SKI: variants seen among roughly 807,000 people sequenced by gnomAD.
SKI encodes SKI proto-oncogene.
SKI carries 23 observed loss-of-function variants against 59.3 expected under a neutral mutation model. That is an observed-to-expected ratio of 0.39 (90% CI 0.28 to 0.55). SKI has a LOEUF of 0.55. SKI is among the 20% of genes least tolerant of loss of function. The probability of loss-of-function intolerance (pLI) is 0.67; values close to 1 mark genes in which losing one functional copy is unlikely to be tolerated. For synonymous variants in SKI, 673 were observed against 488.6 expected (o/e 1.38, Z -4.98); for missense variants, 1,017 against 1,038.9 (o/e 0.98, Z 0.29).
At chr1:2,237,502 A>G (rs1247221657) in intron 1 of SKI, among the ~76,000 whole-genome samples, 3 of 152,136 alleles carry the variant, frequency 2.0e-5, no homozygotes, top group Admixed American at 2.0e-4. Context: ...TGAGAATAAG[A>G]AGCGGCTGTC....
intron 1 of SKI, among the ~76,000 whole-genome samples, chr1:2,278,580 T>C (rs1205916670): frequency 6.6e-6 from 1 of 151,950 alleles, no homozygotes; most frequent in African/African-American, 2.4e-5. Context: ...GCAGATTCAT[T>C]GTGTGGTGAG....
At chr1:2,293,047 C>G (rs528893306) in intron 1 of SKI, among the ~76,000 whole-genome samples, 3 of 152,072 alleles carry the variant, frequency 2.0e-5, no homozygotes, top group African/African-American at 7.2e-5. Flanking sequence ...GCAGGGTGCA[C>G]GGGAGAGCAG....
rs1460907031 is a variant in SKI, at chr1:2,228,803, C to G, written c.37C>G (p.Pro13Ala). Residue 13 changes from proline (P) to alanine (A), a missense_variant, in exon 1 of 7, where the codon CCG becomes GCG. Pro to Ala is a conservative substitution (Grantham distance 27, BLOSUM62 -1). Coordinates refer to ENST00000378536, the MANE Select transcript of SKI (RefSeq NM_003036.4). ...GGCAGGCGGCCGCGGCTGTTTCCAGCCGCACCCGGGGCTGCAGAAGACGCT... is the reference window on the plus strand; with the variant it reads ...GGCAGGCGGCCGCGGCTGTTTCCAGGCGCACCCGGGGCTGCAGAAGACGCT... ...AAAGGRGCFQ[P>A]HPGLQKTLEQ... is the part of the protein sequence containing the mutation. 7.4e-7 allele frequency: 1 copy of G among 1,342,914 alleles called. No individual in the cohort carries two copies. The highest frequency in any genetic ancestry group is 9.7e-7 in the Non-Finnish European group (1 of 1,035,484). 83.2% of individuals were successfully genotyped at this position (1,342,914 alleles called of 1,614,324 possible).
At position 2,306,037 on chromosome 1, in the gene SKI, C is replaced by G. The variant is rs199727876; in HGVS notation, c.1785C>G (p.Arg595=). The change falls in exon 6 of 7, where the codon CGC becomes CGG. Residue 595 remains arginine (R), a synonymous_variant. Transcript: ENST00000378536. ...RSLHQELEFL[R]VAKKEKLREA... ...GCCCCCAGGAGCTGGAGTTCCTACG[C>G]GTGGCCAAGAAGGAGAAGCTGCGGG... The G allele has an allele frequency of 1.5e-5, 24 of 1,588,448 alleles. No individual in the cohort carries two copies. The Admixed American group carries it at 2.5e-4, about 17-fold the overall frequency.
At chr1:2,285,059 G>A (rs1429557599) in intron 1 of SKI, among the ~76,000 whole-genome samples, 2 of 152,134 alleles carry the variant, frequency 1.3e-5, no homozygotes, top group Non-Finnish European at 2.9e-5. Flanking sequence ...TGGAGGCTGG[G>A]GGCAGTCGTG....
In SKI at chr1:2,307,781, CTGA is replaced by C. The variant is rs1229715784; in HGVS notation, c.*1017_*1019del. The C allele has an allele frequency of 6.6e-6, 1 of 152,542 alleles. No homozygotes were observed. The highest frequency in any genetic ancestry group is 1.5e-5 in the Non-Finnish European group (1 of 68,036). 9.4% of individuals were successfully genotyped at this position (152,542 alleles called of 1,614,324 possible). A position where few individuals can be genotyped will look rare whatever the true frequency, so the allele number is the denominator to read the frequency against. ...CCTTCTCTTTCTATTCCCCAGTGAA[CTGA>C]GGTTTTTACCGATTTATAGAGCAGT... On this transcript the variant is annotated 3_prime_UTR_variant, in exon 7 of 7. Coordinates refer to ENST00000378536, the MANE Select transcript of SKI (RefSeq NM_003036.4).
rs1354482425 is a variant in SKI at position 2,280,668 on chromosome 1, C to T, written c.970-22310C>T. On this transcript the variant is annotated intron_variant, in intron 1 of 6. Coordinates refer to ENST00000378536, the MANE Select transcript of SKI (RefSeq NM_003036.4). ...GAGAGAGGACACCCGAGAAGACAGG[C>T]GGCGGCGGCGATCTTCAGAGAGAGG... 2.1e-3 allele frequency among the ~76,000 whole-genome samples: 219 copies of T among 102,164 alleles called. 1 individual carries two copies. The highest frequency in any genetic ancestry group is 3.1e-3 in the Non-Finnish European group (158 of 50,382). The allele number at this position is 102,164 out of a possible 152,430, so 67.0% of individuals were successfully genotyped here.
At chr1:2,286,447 GA>G (rs1427966468) in intron 1 of SKI, among the ~76,000 whole-genome samples, 2 of 152,200 alleles carry the variant, frequency 1.3e-5, no homozygotes, top group African/African-American at 4.8e-5. Context: ...AGTGAACTAT[GA>G]TGATGCTACC....
At chr1:2,278,907 G>A (rs548718407) in intron 1 of SKI, among the ~76,000 whole-genome samples, 2 of 152,174 alleles carry the variant, frequency 1.3e-5, no homozygotes, top group Admixed American at 6.5e-5. Context: ...GAGTGCTTGC[G>A]CACCCCCCCA....
chr1:2,286,386 T>A (rs770130843), intron 1 of SKI, among the ~76,000 whole-genome samples: 1 of 152,070 alleles, frequency 6.6e-6, no homozygotes, highest in African/African-American at 2.4e-5. Flanking sequence ...CCAGCTACTC[T>A]AGAGGCTGAG....
intron 1 of SKI, among the ~76,000 whole-genome samples, chr1:2,231,836 C>T (rs574619997): frequency 7.9e-5 from 12 of 152,230 alleles, no homozygotes; most frequent in Non-Finnish European, 1.3e-4. Context: ...CCCGTGTTGC[C>T]TCCTGCTCTA....
At chr1:2,304,705 G>A in intron 5 of SKI, 120 bp downstream of exon 5, 3 of 1,427,570 alleles carry the variant, frequency 2.1e-6, no homozygotes, top group Non-Finnish European at 2.8e-6. Flanking sequence ...GCTCCTCTCT[G>A]CCTCCACCTC....
Position 2,268,256 on chromosome 1 carries a change from C to T in SKI, c.970-34722C>T, listed in dbSNP as rs371576027. On this transcript the variant is annotated intron_variant, in intron 1 of 6. Coordinates refer to ENST00000378536, the MANE Select transcript of SKI (RefSeq NM_003036.4). The surrounding 1 kb of genome is among the most constrained non-coding windows in gnomAD (Gnocchi z 5.0). ...CTGCTCCTACTGTGTGCTTTCTTGCCCCTCCAGTGCCTCCCAGGGGGCTGT... is the reference window on the plus strand; with the variant it reads ...CTGCTCCTACTGTGTGCTTTCTTGCTCCTCCAGTGCCTCCCAGGGGGCTGT... Among the ~76,000 whole-genome samples the T allele has an allele frequency of 6.6e-6, 1 of 152,290 alleles. No homozygotes were observed. Among genetic ancestry groups the T allele is most frequent in the African/African-American group, 2.4e-5 (1 of 41,562 alleles).
At chr1:2,293,438 A>C (rs1421757269) in intron 1 of SKI, among the ~76,000 whole-genome samples, 5 of 85,662 alleles carry the variant, frequency 5.8e-5, no homozygotes, top group East Asian at 9.0e-4. Flanking sequence ...CCCCCCCCCA[A>C]CATCTGGAAG....
Position 2,306,574 on chromosome 1 carries a change from C to T in SKI, c.1999-3C>T, listed in dbSNP as rs1333111233. 2 of 1,541,812 alleles carry T rather than the reference C, an allele frequency of 1.3e-6. No homozygotes were observed. The highest frequency in any genetic ancestry group is 1.7e-6 in the Non-Finnish European group (2 of 1,145,396). ...CGCCGCTGACCACTCGGCTCCCTTT[C>T]AGATCGAAGACCTGCAGGTGAAGCT... On this transcript the variant is annotated splice_polypyrimidine_tract_variant and splice_region_variant and intron_variant, in intron 6 of 6. Transcript: ENST00000378536.
intron 1 of SKI, among the ~76,000 whole-genome samples, chr1:2,231,779 G>A (rs531399944): frequency 6.6e-6 from 1 of 152,332 alleles, no homozygotes; most frequent in African/African-American, 2.4e-5. Context: ...ACCAGCTCCT[G>A]CGGGTTTTCC....
intron 1 of SKI, among the ~76,000 whole-genome samples, chr1:2,266,171 T>A (rs548249465): frequency 1.3e-5 from 2 of 152,228 alleles, no homozygotes; most frequent in South Asian, 4.1e-4. Context: ...CCCATGAATT[T>A]GGGCAATTTC....
intron 1 of SKI, among the ~76,000 whole-genome samples, chr1:2,240,209 C>T (rs552186618): frequency 2.1e-4 from 32 of 152,336 alleles, no homozygotes; most frequent in African/African-American, 7.5e-4. Context: ...TTCTTCTCCA[C>T]TTTCTGGGAC....
chr1:2,277,619 C>G (rs571831503), intron 1 of SKI, among the ~76,000 whole-genome samples: 9 of 152,170 alleles, frequency 5.9e-5, no homozygotes, highest in African/African-American at 1.9e-4. Context: ...TCTTCAGCAG[C>G]GTGAAAATGG....
Sources: gnomAD v4.1 joint callset for allele counts (sites outside exome capture counted in the v4.1 genomes callset) on GRCh38, gnomAD v4.1.1 for gene constraint, Gnocchi (gnomAD v3.1) non-coding constraint, MANE v1.5 for transcripts, NCBI Gene and HGNC (gene_info 2026-07-23, HGNC 2026-07-21) for gene names.